The following CSGALNACT2 variants were observed in gnomAD, a reference collection of about 807,000 sequenced individuals.
The protein encoded by CSGALNACT2 is beta 4 GalNAcT-2.
CSGALNACT2 carries 35 observed loss-of-function variants against 55.3 expected under a neutral mutation model. The ratio of observed to expected loss-of-function variants is 0.63; its 90% CI spans 0.48 to 0.84. CSGALNACT2 has a LOEUF of 0.84. Among genes scored for constraint, CSGALNACT2 ranks in the 40% least tolerant of loss-of-function variants. CSGALNACT2 has a pLI of 0.00. For synonymous variants in CSGALNACT2, 196 were observed against 224.9 expected (o/e 0.87, Z 1.15); for missense variants, 544 against 657.5 (o/e 0.83, Z 1.89).
chr10:43,184,364 T>C lies in CSGALNACT2; in HGVS notation c.*822T>C, dbSNP rs1381951615. 1.3e-5 allele frequency: 2 copies of C among 152,246 alleles called. No homozygotes were observed. Among genetic ancestry groups the C allele is most frequent in the South Asian group, 4.1e-4 (2 of 4,834 alleles). 9.4% of individuals were successfully genotyped at this position (152,246 alleles called of 1,614,324 possible). A position where few individuals can be genotyped will look rare whatever the true frequency, so the allele number is the denominator to read the frequency against. On this transcript the variant is annotated 3_prime_UTR_variant, in exon 8 of 8. Transcript: ENST00000374466. ...AACATTAGTTTATTTGAGCCAGCTC[T>C]ATCAGGGTCTTCCCATGGTGGTTCA... is the stretch of plus-strand genomic sequence containing the variant.
chr10:43,169,455 C>A (rs1839341973), intron 6 of CSGALNACT2, among the ~76,000 whole-genome samples: 1 of 152,126 alleles, frequency 6.6e-6, no homozygotes, highest in Non-Finnish European at 1.5e-5. Flanking sequence ...GGATTTGTTG[C>A]TTTAAAAAAT....
At chr10:43,166,266 T>C (rs1304568520) in intron 5 of CSGALNACT2, among the ~76,000 whole-genome samples, 1 of 152,230 alleles carries the variant, frequency 6.6e-6, no homozygotes, top group East Asian at 1.9e-4. Flanking sequence ...TGAACAAAGG[T>C]AGAATGAGCA....
chr10:43,149,616 T>A lies in CSGALNACT2; in HGVS notation c.-253-5281T>A, dbSNP rs369660819. ...CGTTTTGCTAGTATTTTGTTGAGGA[T>A]TTTTGTATTTATATTCATATAGGAT... On this transcript the variant is annotated intron_variant, in intron 1 of 7. Transcript: ENST00000374466. 5.3e-5 allele frequency among the ~76,000 whole-genome samples: 8 copies of A among 152,300 alleles called. No homozygotes were observed. In the East Asian group the frequency reaches 5.8e-4, roughly 11 times the overall value.
At chr10:43,143,617 C>T (rs1838680995) in intron 1 of CSGALNACT2, among the ~76,000 whole-genome samples, 1 of 151,782 alleles carries the variant, frequency 6.6e-6, no homozygotes, top group South Asian at 2.1e-4. Context: ...TGAGAGGAGG[C>T]CCTGAGAGGT....
chr10:43,153,222 C>A (rs2133107235), intron 1 of CSGALNACT2, among the ~76,000 whole-genome samples: 1 of 150,840 alleles, frequency 6.6e-6, no homozygotes, highest in South Asian at 2.1e-4. Context: ...GTAGTCCCAG[C>A]TACTCGGGAG....
At chr10:43,165,675 T>G (rs1479089065) in intron 5 of CSGALNACT2, among the ~76,000 whole-genome samples, 2 of 152,124 alleles carry the variant, frequency 1.3e-5, no homozygotes, top group East Asian at 1.9e-4. Context: ...TGAATGCTTT[T>G]TAGCTCATTT....
intron 1 of CSGALNACT2, among the ~76,000 whole-genome samples, chr10:43,149,639 G>A (rs1025869635): frequency 6.6e-6 from 1 of 152,112 alleles, no homozygotes; most frequent in Non-Finnish European, 1.5e-5. Context: ...ATTCATATAG[G>A]ATATTGGCCT....
chr10:43,162,668 C>T, intron 4 of CSGALNACT2: 1 of 985,448 alleles, frequency 1.0e-6, no homozygotes, highest in Non-Finnish European at 1.2e-6. Context: ...TAAAATGTTA[C>T]TTTTTTGATT....
chr10:43,150,832 CATGTAT>C (rs1363107264), intron 1 of CSGALNACT2, among the ~76,000 whole-genome samples: 1 of 152,198 alleles, frequency 6.6e-6, no homozygotes, highest in Non-Finnish European at 1.5e-5. Context: ...ACTCCAGTTA[CATGTAT>C]ATTAGGCTGT....
intron 4 of CSGALNACT2, chr10:43,162,247 G>A (rs779212541): frequency 4.0e-5 from 21 of 530,780 alleles, no homozygotes; most frequent in South Asian, 1.9e-4. Context: ...GCGGCTCTGG[G>A]CTCACATCTT....
Position 43,175,975 on chromosome 10 carries a change from TG to T in CSGALNACT2, c.1281del (p.Trp427CysfsTer8), listed in dbSNP as rs1839474024. On this transcript the variant is annotated frameshift_variant, in exon 7 of 8. Coordinates refer to ENST00000374466, the MANE Select transcript of CSGALNACT2 (RefSeq NM_018590.5). LOFTEE classifies it high-confidence loss of function. ...GGTTCACAAAAAGGATTCTGGCTTT[TG>T]GCGAGATTTTGGCTTTGGAATGACT... ...QLVHKKDSGF[W>X]RDFGFGMTCQ... 1.2e-6 allele frequency: 2 copies of T among 1,609,402 alleles called. No individual in the cohort carries two copies. Among genetic ancestry groups the T allele is most frequent in the African/African-American group, 2.7e-5 (2 of 74,536 alleles).
chr10:43,142,176 A>T (rs1021775420), intron 1 of CSGALNACT2, among the ~76,000 whole-genome samples: 12 of 151,416 alleles, frequency 7.9e-5, no homozygotes, highest in Non-Finnish European at 1.6e-4. Context: ...TACACTTTTT[A>T]TTTTTTTTAT....
intron 1 of CSGALNACT2, among the ~76,000 whole-genome samples, chr10:43,152,231 A>G (rs755245327): frequency 5.9e-5 from 9 of 152,232 alleles, no homozygotes; most frequent in Non-Finnish European, 1.0e-4. Flanking sequence ...TGATACAAAC[A>G]CATTTCATAG....
In CSGALNACT2 at chr10:43,183,978, G is replaced by C. The variant is rs982938646; in HGVS notation, c.*436G>C. ...TGTGGATAGGTATCTTCACCTGCCC[G>C]CCCCTGAGTCAGCCTCCTTGACTTG... On this transcript the variant is annotated 3_prime_UTR_variant, in exon 8 of 8. Transcript: ENST00000374466. 6.3e-6 allele frequency: 1 copy of C among 158,788 alleles called. No homozygotes were observed. Among genetic ancestry groups the C allele is most frequent in the East Asian group, 1.8e-4 (1 of 5,534 alleles). The allele number at this position is 158,788 out of a possible 1,614,324, so 9.8% of individuals were successfully genotyped here.
intron 3 of CSGALNACT2, among the ~76,000 whole-genome samples, chr10:43,159,860 A>C (rs1839106909): frequency 6.6e-6 from 1 of 152,202 alleles, no homozygotes; most frequent in South Asian, 2.1e-4. Flanking sequence ...ATACTGGTTT[A>C]ATGCTTTGTG....
In CSGALNACT2 at chr10:43,160,490, T is replaced by G; in HGVS notation, c.879-4T>G. On this transcript the variant is annotated splice_region_variant and splice_polypyrimidine_tract_variant and intron_variant, in intron 3 of 7. Coordinates refer to ENST00000374466, the MANE Select transcript of CSGALNACT2 (RefSeq NM_018590.5). ...AATAAACTTTTATTTTTCACTTCTG[T>G]TAGGGATGTTTGTATTCATCAAGAC... is the stretch of plus-strand genomic sequence containing the variant. 6.9e-7 allele frequency: 1 copy of G among 1,441,886 alleles called. No homozygotes were observed. The highest frequency in any genetic ancestry group is 9.7e-7 in the Non-Finnish European group (1 of 1,033,686). 89.3% of individuals were successfully genotyped at this position (1,441,886 alleles called of 1,614,324 possible).
In CSGALNACT2 at chr10:43,158,773, A is replaced by G. The variant is rs762150083; in HGVS notation, c.720A>G (p.Ala240=). Residue 240 remains alanine (A), a synonymous_variant, in exon 3 of 8, where the codon GCA becomes GCG. Transcript: ENST00000374466. ...GTQYELFFKK[A]DLTEYRHVTL... is the part of the protein sequence containing the mutation. ...AGTATGAACTCTTTTTTAAGAAAGC[A>G]GACCTTACGGAATATAGACATGTGA... 6.2e-7 allele frequency: 1 copy of G among 1,612,728 alleles called. No individual in the cohort carries two copies. Among genetic ancestry groups the G allele is most frequent in the African/African-American group, 1.3e-5 (1 of 74,914 alleles).
chr10:43,177,566 A>G (rs1054257336), intron 7 of CSGALNACT2, among the ~76,000 whole-genome samples: 6 of 152,220 alleles, frequency 3.9e-5, no homozygotes, highest in African/African-American at 1.4e-4. Flanking sequence ...AATGTTTTCA[A>G]AGTTCATCCA....
chr10:43,164,779 A>G (rs1233229903), intron 5 of CSGALNACT2, among the ~76,000 whole-genome samples: 3 of 151,858 alleles, frequency 2.0e-5, no homozygotes, highest in Non-Finnish European at 4.4e-5. Context: ...CCTGGGAGGC[A>G]AAGGTTGCAG....
Sources: allele counts gnomAD v4.1 joint callset (sites outside exome capture counted in the v4.1 genomes callset), GRCh38; gene constraint gnomAD v4.1.1; transcripts MANE v1.5; gene names NCBI Gene and HGNC (gene_info 2026-07-23, HGNC 2026-07-21).